Variants in CFAP46 observed in about 807,000 individuals in gnomAD.
CFAP46 encodes cilia- and flagella-associated protein 46.
CFAP46 carries 245 observed loss-of-function variants against 325.7 expected under a neutral mutation model. The observed-to-expected ratio is 0.75, with a 90% confidence interval of 0.68 to 0.84. The LOEUF is 0.84. Among genes scored for constraint, CFAP46 ranks in the 40% least tolerant of loss-of-function variants. CFAP46 has a pLI of 0.00. For synonymous variants in CFAP46, 1,523 were observed against 1,495.9 expected, an observed-to-expected ratio of 1.02 and a Z score of -0.42; for missense variants, 3,346 against 3,543.0, an observed-to-expected ratio of 0.94 and a Z score of 1.41.
rs189572371 is a variant in CFAP46 at position 132,886,385 on chromosome 10, G to A, written c.3305-426C>T. On this transcript the variant is annotated intron_variant, in intron 25 of 57. Coordinates refer to ENST00000368586, the MANE Select transcript of CFAP46 (RefSeq NM_001200049.3). The surrounding 1 kb of genome is among the most constrained non-coding windows in gnomAD (Gnocchi z 5.8). The stretch of plus-strand genomic sequence containing the variant: ...TCGGGAGTCCTCATGCTTGGTGCCC[G>A]CAGCACGGGAACAATCCCCGAGTCT... Among the ~76,000 whole-genome samples the A allele has an allele frequency of 3.9e-5, 6 of 152,280 alleles. No individual in the cohort carries two copies. Among genetic ancestry groups the A allele is most frequent in the Admixed American group, 3.3e-4 (5 of 15,302 alleles).
At position 132,919,978 on chromosome 10, in the gene CFAP46, A is replaced by G. The variant is rs112096435; in HGVS notation, c.1730+81T>C. The G allele has an allele frequency of 0.027, 38,705 of 1,419,614 alleles. 759 individuals are homozygous for G. The highest frequency in any genetic ancestry group is 0.074 in the African/African-American group (5,076 of 68,578). 87.9% of individuals were successfully genotyped at this position (1,419,614 alleles called of 1,614,324 possible). ...AGACGGCCACATGCAGGGTCAGCTCAGCCGCCACAGACACTGGCCCTCGGG... is the reference window on the plus strand; with the variant it reads ...AGACGGCCACATGCAGGGTCAGCTCGGCCGCCACAGACACTGGCCCTCGGG... On this transcript the variant is annotated intron_variant, in intron 14 of 57. Coordinates refer to ENST00000368586, the MANE Select transcript of CFAP46 (RefSeq NM_001200049.3). This position sits in a 1 kb window ranked among gnomAD's most constrained non-coding sequence, Gnocchi z 9.7.
Position 132,861,770 on chromosome 10 carries a change from A to G in CFAP46, c.4891-788T>C, listed in dbSNP as rs1436900759. Among the ~76,000 whole-genome samples, 3 of 152,054 alleles carry G rather than the reference A, an allele frequency of 2.0e-5. No individual in the cohort carries two copies. In the East Asian group the frequency reaches 5.8e-4, roughly 29 times the overall value. ...AGGCAGCGTCCTGTTCCCATGTATC[A>G]CTTTCTGGCCAAACAAGAGGCTCTG... On this transcript the variant is annotated intron_variant, in intron 35 of 57. Transcript: ENST00000368586.
At chr10:132,908,043 G>A (rs1302064508) in intron 22 of CFAP46, among the ~76,000 whole-genome samples, 2 of 152,196 alleles carry the variant, frequency 1.3e-5, no homozygotes, top group South Asian at 2.1e-4. Context: ...CAATGCACAC[G>A]CGGCCAGCAG....
At chr10:132,823,403 G>A (rs1847935924) in intron 50 of CFAP46, among the ~76,000 whole-genome samples, 3 of 136,978 alleles carry the variant, frequency 2.2e-5, no homozygotes, top group Admixed American at 2.2e-4. Context: ...TGTGCTGTGT[G>A]TGTGCTGTGT....
chr10:132,901,879 C>T (rs1225911420), intron 22 of CFAP46, among the ~76,000 whole-genome samples: 1 of 152,132 alleles, frequency 6.6e-6, no homozygotes, highest in Admixed American at 6.5e-5. Flanking sequence ...GACAGGTTTT[C>T]TTTTTTTAAC....
chr10:132,901,770 T>C (rs66859631), intron 22 of CFAP46, among the ~76,000 whole-genome samples: 27,733 of 152,264 alleles, frequency 0.18, 4,129 homozygotes, highest in African/African-American at 0.42. Flanking sequence ...TCTGAGGATC[T>C]GCTGGGAATG....
chr10:132,882,094 G>A (rs1435825740), intron 27 of CFAP46, among the ~76,000 whole-genome samples: 1 of 150,724 alleles, frequency 6.6e-6, no homozygotes, highest in Non-Finnish European at 1.5e-5. Context: ...GGTGCGTGTG[G>A]GATGTGGGGT....
At chr10:132,888,197 A>T (rs1411022029) in intron 25 of CFAP46, among the ~76,000 whole-genome samples, 1 of 151,750 alleles carries the variant, frequency 6.6e-6, no homozygotes, top group Non-Finnish European at 1.5e-5. Flanking sequence ...AGTGGGCACC[A>T]ATGCGGGCTC....
intron 39 of CFAP46, among the ~76,000 whole-genome samples, chr10:132,855,302 T>G (rs1039138459): frequency 9.9e-5 from 15 of 152,226 alleles, no homozygotes; most frequent in Admixed American, 6.5e-5. Context: ...GTAATATTCT[T>G]TTTTCCAAAA....
chr10:132,900,805 T>C (rs893508704), intron 22 of CFAP46, among the ~76,000 whole-genome samples: 2 of 152,244 alleles, frequency 1.3e-5, no homozygotes, highest in Non-Finnish European at 2.9e-5. Context: ...GTTCCTTCCA[T>C]CTGTAGCCTC....
chr10:132,845,626 C>T (rs753703000), intron 44 of CFAP46, among the ~76,000 whole-genome samples: 7 of 152,214 alleles, frequency 4.6e-5, no homozygotes, highest in African/African-American at 1.4e-4. Context: ...GAACAAAAAG[C>T]GCCGTTAGCT....
chr10:132,826,052 G>C (rs866770804), intron 50 of CFAP46, among the ~76,000 whole-genome samples: 1 of 61,276 alleles, frequency 1.6e-5, no homozygotes, highest in Non-Finnish European at 3.9e-5. Flanking sequence ...GGCAGGAGCC[G>C]TAGCCACAGA....
At chr10:132,851,995 G>A (rs1420377063) in intron 39 of CFAP46, among the ~76,000 whole-genome samples, 1 of 151,870 alleles carries the variant, frequency 6.6e-6, no homozygotes, top group Admixed American at 6.5e-5. Context: ...CTGATCCACA[G>A]ACCTGGTATG....
At position 132,846,207 on chromosome 10, in the gene CFAP46, C is replaced by G. The variant is rs767135035; in HGVS notation, c.6288G>C (p.Thr2096=). 1.9e-6 allele frequency: 3 copies of G among 1,611,988 alleles called. No homozygotes were observed. The highest frequency in any genetic ancestry group is 2.5e-6 in the Non-Finnish European group (3 of 1,179,626). Residue 2096 remains threonine (T), a synonymous_variant, in exon 44 of 58, where the codon ACG becomes ACC. Coordinates refer to ENST00000368586, the MANE Select transcript of CFAP46 (RefSeq NM_001200049.3). Reference sequence around the variant, plus strand: ...TGGCTGCAAGCAGGACATCCCTCATCGTCTCTGAGGCCGAGCAGCTCTGAA... The same window carrying G: ...TGGCTGCAAGCAGGACATCCCTCATGGTCTCTGAGGCCGAGCAGCTCTGAA... ...ALSQSCSASE[T]MRDVLLAATA...
At chr10:132,859,425 A>C (rs955663562) in intron 37 of CFAP46, among the ~76,000 whole-genome samples, 178 bp from the exon 38 acceptor site, 4 of 152,154 alleles carry the variant, frequency 2.6e-5, no homozygotes, top group African/African-American at 9.7e-5. Context: ...CATGTGATAA[A>C]ATCAGAAACT....
At chr10:132,873,742 C>A (rs767505846) in intron 31 of CFAP46, among the ~76,000 whole-genome samples, 1 of 152,090 alleles carries the variant, frequency 6.6e-6, no homozygotes, top group Non-Finnish European at 1.5e-5. Context: ...GCACAGGGTC[C>A]TTTGAGAGGT....
intron 24 of CFAP46, among the ~76,000 whole-genome samples, chr10:132,894,864 G>T (rs1156854221): frequency 6.6e-6 from 1 of 152,096 alleles, no homozygotes; most frequent in Non-Finnish European, 1.5e-5. Context: ...CTTCATCAGT[G>T]ACTCCCATCA....
chr10:132,825,364 C>A (rs909691439), intron 50 of CFAP46, among the ~76,000 whole-genome samples: 66 of 152,242 alleles, frequency 4.3e-4, no homozygotes, highest in African/African-American at 1.5e-3. Flanking sequence ...GGGCTCAGAA[C>A]CCACTGGGAG....
intron 26 of CFAP46, 127 bp downstream of exon 26, chr10:132,885,694 G>A: frequency 6.1e-6 from 5 of 823,364 alleles, no homozygotes; most frequent in Non-Finnish European, 8.7e-6. Context: ...TCCGGTGGGG[G>A]AGCACACCCC....
Sources: gnomAD v4.1 joint callset for allele counts (sites outside exome capture counted in the v4.1 genomes callset) on GRCh38, gnomAD v4.1.1 for gene constraint, Gnocchi (gnomAD v3.1) non-coding constraint, MANE v1.5 for transcripts, NCBI Gene and HGNC (gene_info 2026-07-23, HGNC 2026-07-21) for gene names.